FBXL20: variants seen among roughly 807,000 people sequenced by gnomAD.
FBXL20 encodes the protein F-box and leucine rich repeat protein 20.
A neutral mutation model predicts 64.0 loss-of-function variants in FBXL20; 11 were observed. The ratio of observed to expected loss-of-function variants is 0.17; its 90% CI spans 0.11 to 0.28. The LOEUF (loss-of-function observed/expected upper bound fraction) is 0.28. FBXL20 is among the 10% of genes least tolerant of loss of function. FBXL20 has a pLI of 1.00. For missense variants in FBXL20, 303 were observed against 526.2 expected, an observed-to-expected ratio of 0.58 and a Z score of 4.15; for synonymous variants, 184 against 189.0, an observed-to-expected ratio of 0.97 and a Z score of 0.22.
At chr17:39,321,949 A>G (rs1015520343) in intron 2 of FBXL20, among the ~76,000 whole-genome samples, 21 of 152,100 alleles carry the variant, frequency 1.4e-4, no homozygotes, top group Non-Finnish European at 2.5e-4. Flanking sequence ...TAAATACTCA[A>G]ATCTGTCCCA....
At chr17:39,388,507 G>T (rs1422432735) in intron 1 of FBXL20, among the ~76,000 whole-genome samples, 2 of 147,018 alleles carry the variant, frequency 1.4e-5, no homozygotes, top group Non-Finnish European at 1.5e-5. Flanking sequence ...TTTTTGAGAC[G>T]GCGTCTCGCT....
chr17:39,329,662 CA>C lies in FBXL20; in HGVS notation c.104+13517del, dbSNP rs375388177. Among the ~76,000 whole-genome samples the C allele has an allele frequency of 2.0e-5, 3 of 151,892 alleles. No homozygotes were observed. In the South Asian group the frequency reaches 6.2e-4, roughly 32 times the overall value. On this transcript the variant is annotated intron_variant, in intron 2 of 14. Coordinates refer to ENST00000264658, the MANE Select transcript of FBXL20 (RefSeq NM_032875.3). Reference sequence around the variant, plus strand: ...ACTGCAGCCTTTCAGGGGTAAAAAGCATCATGTCTATAACTTATCTCTAATG... The same window carrying C: ...ACTGCAGCCTTTCAGGGGTAAAAAGCTCATGTCTATAACTTATCTCTAATG...
At chr17:39,304,657 T>C (rs1452720304) in intron 2 of FBXL20, among the ~76,000 whole-genome samples, 1 of 152,090 alleles carries the variant, frequency 6.6e-6, no homozygotes, top group East Asian at 1.9e-4. Flanking sequence ...AGTGGTGCAG[T>C]CATCATTCAC....
At chr17:39,344,729 G>A (rs928138539) in intron 1 of FBXL20, among the ~76,000 whole-genome samples, 20 of 152,278 alleles carry the variant, frequency 1.3e-4, no homozygotes, top group African/African-American at 4.8e-4. Context: ...TGCAGAGCTT[G>A]CAGTGAGCCA....
chr17:39,292,250 G>A (rs1438501967), intron 6 of FBXL20, among the ~76,000 whole-genome samples: 2 of 149,910 alleles, frequency 1.3e-5, no homozygotes, highest in Admixed American at 1.3e-4. Flanking sequence ...TTAAATTTAC[G>A]CCATCTGATA....
chr17:39,306,519 T>TC (rs1295440336), intron 2 of FBXL20, among the ~76,000 whole-genome samples: 1 of 152,174 alleles, frequency 6.6e-6, no homozygotes, highest in South Asian at 2.1e-4. Context: ...ACTGTACTTT[T>TC]CCCCACTGAA....
At chr17:39,278,366 G>A (rs1383181577) in intron 9 of FBXL20, among the ~76,000 whole-genome samples, 2 of 152,002 alleles carry the variant, frequency 1.3e-5, no homozygotes, top group Non-Finnish European at 2.9e-5. Context: ...GGTTGGTCTC[G>A]AACTGCTGAC....
At chr17:39,372,603 T>G (rs2144638355) in intron 1 of FBXL20, among the ~76,000 whole-genome samples, 1 of 149,314 alleles carries the variant, frequency 6.7e-6, no homozygotes, top group Admixed American at 6.7e-5. Context: ...AAGGGCTAAA[T>G]GTCTGTTTGA....
chr17:39,398,677 T>G (rs888691968), intron 1 of FBXL20, among the ~76,000 whole-genome samples: 1 of 150,754 alleles, frequency 6.6e-6, no homozygotes, highest in Non-Finnish European at 1.5e-5. Flanking sequence ...TCGTTGTTTT[T>G]TGTTTTTTTT....
chr17:39,368,967 T>C (rs144499715), intron 1 of FBXL20, among the ~76,000 whole-genome samples: 1 of 152,140 alleles, frequency 6.6e-6, no homozygotes, highest in Non-Finnish European at 1.5e-5. Context: ...ATTTTTTTAA[T>C]CTTCTAAAAA....
chr17:39,352,031 T>G (rs1463313695), intron 1 of FBXL20, among the ~76,000 whole-genome samples: 1 of 152,116 alleles, frequency 6.6e-6, no homozygotes, highest in African/African-American at 2.4e-5. Flanking sequence ...ATTAAGCAGC[T>G]TGTGTGTGTG....
intron 1 of FBXL20, among the ~76,000 whole-genome samples, chr17:39,369,256 C>CTTTTTTT (rs72363930): frequency 5.1e-5 from 5 of 98,578 alleles, no homozygotes; most frequent in East Asian, 2.9e-4. Flanking sequence ...GAATTCAATG[C>CTTTTTTT]TTTTTTTTTT....
chr17:39,281,554 T>C (rs935401590), intron 8 of FBXL20, 91 bp from the exon 9 acceptor site: 1 of 1,044,260 alleles, frequency 9.6e-7, no homozygotes, highest in Non-Finnish European at 1.4e-6. Flanking sequence ...TCATACATTC[T>C]AATACAGCCA....
chr17:39,368,973 A>G (rs1020223345), intron 1 of FBXL20, among the ~76,000 whole-genome samples: 3 of 151,290 alleles, frequency 2.0e-5, no homozygotes, highest in Non-Finnish European at 4.4e-5. Context: ...TTAATCTTCT[A>G]AAAAATAACT....
At chr17:39,273,341 T>A (rs1226028187) in intron 10 of FBXL20, among the ~76,000 whole-genome samples, 1 of 152,144 alleles carries the variant, frequency 6.6e-6, no homozygotes, top group African/African-American at 2.4e-5. Context: ...ACAATTATGG[T>A]TAGGCCAGGT....
At chr17:39,345,369 A>C (rs538196492) in intron 1 of FBXL20, among the ~76,000 whole-genome samples, 19 of 152,172 alleles carry the variant, frequency 1.2e-4, no homozygotes, top group Non-Finnish European at 1.9e-4. Flanking sequence ...GCTTAAAAGA[A>C]GGCCAAAAAT....
chr17:39,311,001 A>C (rs543810073), intron 2 of FBXL20, among the ~76,000 whole-genome samples: 15 of 151,914 alleles, frequency 9.9e-5, no homozygotes, highest in South Asian at 2.1e-4. Context: ...TTAAAAAAAA[A>C]ACACACAAAA....
chr17:39,310,034 C>T (rs113309974), intron 2 of FBXL20, among the ~76,000 whole-genome samples: 1 of 150,914 alleles, frequency 6.6e-6, no homozygotes, highest in African/African-American at 2.4e-5. Context: ...GTGCCTGTAG[C>T]CTCAGTTACT....
rs145503840 is a variant in FBXL20, at chr17:39,265,402, C to T, written c.985G>A (p.Val329Ile). The change falls in exon 13 of 15, where the codon GTA becomes ATA. Residue 329 changes from valine to isoleucine, a missense_variant. By Grantham distance (29) the Val-to-Ile change is conservative. This residue lies in a region of FBXL20 where 246 missense variants were observed against 422.6 expected (regional missense o/e 0.58). Coordinates refer to ENST00000264658, the MANE Select transcript of FBXL20 (RefSeq NM_032875.3). ...GTTTTCAAAGTTAAACTCACCAATA[C>T]TTGAAGTCGAGGACAGTGTATAGAA... ...QLSIHCPRLQ[V>I]LSLSHCELIT... 180 of 1,608,746 alleles carry T rather than the reference C, an allele frequency of 1.1e-4. No individual in the cohort carries two copies. Among genetic ancestry groups the T allele is most frequent in the Non-Finnish European group, 1.5e-4 (173 of 1,176,272 alleles).
Sources: gnomAD v4.1 joint callset for allele counts (sites outside exome capture counted in the v4.1 genomes callset) on GRCh38, gnomAD v4.1.1 for gene constraint, gnomAD v4.1.1 regional missense constraint, MANE v1.5 for transcripts, NCBI Gene and HGNC (gene_info 2026-07-23, HGNC 2026-07-21) for gene names.